The following STOX2 variants were observed in gnomAD, a reference collection of about 807,000 sequenced individuals.
STOX2 encodes the protein storkhead box 2, also known as storkhead-box protein 2.
Under a neutral mutation model 60.9 loss-of-function variants are expected in STOX2, and 28 were observed. The ratio of observed to expected loss-of-function variants is 0.46; its 90% CI spans 0.34 to 0.63. The LOEUF (loss-of-function observed/expected upper bound fraction) is 0.63. Ranked by LOEUF, STOX2 falls within the 30% of genes least tolerant of loss-of-function variation. The pLI is 0.01. For missense variants in STOX2, 1,024 were observed against 1,187.7 expected (o/e 0.86, Z 2.03); for synonymous variants, 472 against 463.9 (o/e 1.02, Z -0.22).
Position 184,010,597 on chromosome 4 carries a change from G to T in STOX2, c.1759G>T (p.Glu587Ter), listed in dbSNP as rs372128693. The change falls in exon 3 of 4, where the codon GAA becomes TAA. Residue 587 changes from glutamate to a stop codon, truncating the protein, a stop_gained. Transcript: ENST00000308497. LOFTEE classifies it high-confidence loss of function. This position sits in a 1 kb window ranked among gnomAD's most constrained non-coding sequence, Gnocchi z 4.5. The part of the protein sequence containing the change: ...KPPESLPSYG[E>*]LNSCPTKTAT... ...ACCCGAGAGTTTGCCATCCTATGGC[G>T]AACTCAACTCTTGTCCAACAAAAAC... 1 of 1,613,850 alleles carries T rather than the reference G, an allele frequency of 6.2e-7. No homozygotes were observed. Among genetic ancestry groups the T allele is most frequent in the Non-Finnish European group, 8.5e-7 (1 of 1,179,884 alleles).
In STOX2 at chr4:183,906,100, T is replaced by C. The variant is rs555729829; in HGVS notation, c.-691T>C. ...CTGCTGTCTGCAGAGCCTGCTCGGATCCTGTGCACACGCGCCCCCCGCTCG... is the reference window on the plus strand; with the variant it reads ...CTGCTGTCTGCAGAGCCTGCTCGGACCCTGTGCACACGCGCCCCCCGCTCG... On this transcript the variant is annotated 5_prime_UTR_variant, in exon 1 of 4. Coordinates refer to ENST00000308497, the MANE Select transcript of STOX2 (RefSeq NM_020225.3). 2 of 151,946 alleles carry C rather than the reference T, an allele frequency of 1.3e-5. No individual in the cohort carries two copies. The highest frequency in any genetic ancestry group is 1.5e-5 in the Non-Finnish European group (1 of 68,002). 9.4% of individuals were successfully genotyped at this position (151,946 alleles called of 1,614,324 possible).
intron 1 of STOX2, among the ~76,000 whole-genome samples, chr4:183,827,046 C>G (rs944020490): frequency 2.6e-5 from 4 of 152,198 alleles, no homozygotes; most frequent in Non-Finnish European, 5.9e-5. Context: ...TCTGAGGAAA[C>G]TGAGGCACAG....
At position 183,818,649 on chromosome 4, in the gene STOX2, C is replaced by T. The variant is rs532411319; in HGVS notation, c.364+20594C>T. On this transcript the variant is annotated intron_variant, in intron 1 of 2. Coordinates refer to the STOX2 transcript ENST00000513034. ...CGGGGTGGCGGCCGGGCAGAGGGGC[C>T]CCTCACTTCCCAGAAGGGGCGGCCG... 1.4e-3 allele frequency among the ~76,000 whole-genome samples: 205 copies of T among 146,274 alleles called. 3 individuals are homozygous for T. The highest frequency in any genetic ancestry group is 0.012 in the South Asian group (54 of 4,572).
At chr4:183,890,868 GAGGC>G (rs1219817521) in intron 1 of STOX2, among the ~76,000 whole-genome samples, 2 of 152,224 alleles carry the variant, frequency 1.3e-5, no homozygotes, top group Non-Finnish European at 2.9e-5. Flanking sequence ...AGCATTTTGG[GAGGC>G]TGAGGCGGGA....
At chr4:183,890,232 CCCAG>C (rs1360797183) in intron 1 of STOX2, among the ~76,000 whole-genome samples, 11 of 152,074 alleles carry the variant, frequency 7.2e-5, no homozygotes, top group Non-Finnish European at 1.3e-4. Context: ...CGCCTGTAAT[CCCAG>C]CCCTTTGAAA....
intron 1 of STOX2, among the ~76,000 whole-genome samples, chr4:183,798,215 G>A (rs1738673755): frequency 1.3e-5 from 2 of 151,516 alleles, no homozygotes; most frequent in South Asian, 4.1e-4. Context: ...GGGGCCCTCT[G>A]CGAGCGTGGG....
intron 1 of STOX2, among the ~76,000 whole-genome samples, chr4:183,890,391 G>A (rs551705692): frequency 6.6e-6 from 1 of 151,690 alleles, no homozygotes; most frequent in African/African-American, 2.4e-5. Flanking sequence ...GCCGAGGCGG[G>A]AGAATTGCTT....
intron 1 of STOX2, among the ~76,000 whole-genome samples, chr4:183,938,928 A>T (rs908221551): frequency 4.8e-4 from 73 of 152,188 alleles, no homozygotes; most frequent in African/African-American, 1.5e-3. Flanking sequence ...GAAAATAAAA[A>T]ATTTGTAAAG....
rs140260251 is a variant in STOX2 at position 183,943,380 on chromosome 4, A to G, written c.166+36424A>G. Among the ~76,000 whole-genome samples the G allele has an allele frequency of 1.4e-4, 21 of 152,332 alleles. 1 individual carries two copies. The East Asian group carries it at 4.0e-3, about 29-fold the overall frequency. ...AGTTTTTCTAGAATAAATCATACCTATTATGTATCCAGATGTATGATTTCC... is the reference window on the plus strand; with the variant it reads ...AGTTTTTCTAGAATAAATCATACCTGTTATGTATCCAGATGTATGATTTCC... On this transcript the variant is annotated intron_variant, in intron 1 of 3. Coordinates refer to ENST00000308497, the MANE Select transcript of STOX2 (RefSeq NM_020225.3).
chr4:183,911,375 G>T (rs995898780), intron 1 of STOX2, among the ~76,000 whole-genome samples: 2 of 152,136 alleles, frequency 1.3e-5, no homozygotes, highest in African/African-American at 4.8e-5. Flanking sequence ...AATAAAGAGC[G>T]TCCTGTCACG....
intron 1 of STOX2, among the ~76,000 whole-genome samples, chr4:183,864,926 ACT>A (rs1174609455): frequency 2.0e-5 from 3 of 152,012 alleles, no homozygotes; most frequent in African/African-American, 4.8e-5. Flanking sequence ...TTCTTATGAT[ACT>A]CTCTTTCTCT....
At chr4:184,013,685 G>A (rs1474800926) in intron 3 of STOX2, among the ~76,000 whole-genome samples, 1 of 152,222 alleles carries the variant, frequency 6.6e-6, no homozygotes, top group Non-Finnish European at 1.5e-5. Flanking sequence ...TTCTGCAAAG[G>A]AAAGTATTTG....
intron 1 of STOX2, among the ~76,000 whole-genome samples, chr4:183,892,392 C>T (rs976210310): frequency 2.0e-5 from 3 of 152,208 alleles, no homozygotes; most frequent in Non-Finnish European, 4.4e-5. Flanking sequence ...CATTCTCCTG[C>T]CTCAGCCTCC....
intron 1 of STOX2, chr4:183,798,604 GC>G: frequency 3.0e-6 from 3 of 985,074 alleles, no homozygotes; most frequent in Non-Finnish European, 3.6e-6. Flanking sequence ...TCTCAACGAG[GC>G]AAGGCTGCAG....
At chr4:183,993,045 G>T (rs1230590129) in intron 1 of STOX2, among the ~76,000 whole-genome samples, 1 of 152,210 alleles carries the variant, frequency 6.6e-6, no homozygotes, top group Non-Finnish European at 1.5e-5. Context: ...AGTGTTAGTT[G>T]TTCCTATCAG....
chr4:183,941,360 G>C (rs993213295), intron 1 of STOX2, among the ~76,000 whole-genome samples: 1 of 152,292 alleles, frequency 6.6e-6, no homozygotes, highest in South Asian at 2.1e-4. Context: ...CTGAGGTCAG[G>C]AGTTTGAGAC....
chr4:183,893,874 A>G (rs1005520935), intron 1 of STOX2, among the ~76,000 whole-genome samples: 5 of 152,222 alleles, frequency 3.3e-5, no homozygotes, highest in African/African-American at 1.2e-4. Flanking sequence ...AATTAGTAGC[A>G]TCCTTCTTAC....
intron 1 of STOX2, among the ~76,000 whole-genome samples, chr4:183,839,539 AG>A (rs1287975650): frequency 6.6e-6 from 1 of 152,244 alleles, no homozygotes; most frequent in Non-Finnish European, 1.5e-5. Context: ...AACCAGCATT[AG>A]TACTACAGGA....
chr4:183,820,379 T>G (rs1739278983), intron 1 of STOX2, among the ~76,000 whole-genome samples: 1 of 152,202 alleles, frequency 6.6e-6, no homozygotes, highest in Non-Finnish European at 1.5e-5. Flanking sequence ...TCCTCTCCTA[T>G]TGCCGCTTCT....
Sources: gnomAD v4.1 joint callset for allele counts (sites outside exome capture counted in the v4.1 genomes callset) on GRCh38, gnomAD v4.1.1 for gene constraint, Gnocchi (gnomAD v3.1) non-coding constraint, MANE v1.5 for transcripts, NCBI Gene and HGNC (gene_info 2026-07-23, HGNC 2026-07-21) for gene names.